PDE4C: variants seen among roughly 807,000 people sequenced by gnomAD.
PDE4C encodes phosphodiesterase 4C.
PDE4C carries 50 observed loss-of-function variants against 63.9 expected under a neutral mutation model. That is an observed-to-expected ratio of 0.78 (90% CI 0.62 to 0.99). PDE4C has a LOEUF of 0.99. Ranked by LOEUF, PDE4C falls within the 50% of genes least tolerant of loss-of-function variation. PDE4C has a pLI of 0.00. For synonymous variants in PDE4C, 377 were observed against 385.1 expected (o/e 0.98, Z 0.25); for missense variants, 777 against 899.1 (o/e 0.86, Z 1.74).
At chr19:18,217,158 G>GTT (rs11459367) in intron 11 of PDE4C, 4,072 of 261,200 alleles carry the variant, frequency 0.016, no homozygotes, top group Middle Eastern at 0.027. Context: ...ACTCAGTAAT[G>GTT]TTTTTTTTTT....
the PDE4C span, among the ~76,000 whole-genome samples, chr19:18,254,056 A>G: frequency 3.9e-5 from 6 of 152,094 alleles, no homozygotes; most frequent in African/African-American, 1.4e-4. Context: ...CCAGATCTCT[A>G]TGTAGCCCCC....
chr19:18,246,702 T>C (rs888667), intron 1 of PDE4C, among the ~76,000 whole-genome samples: 114,839 of 151,864 alleles, frequency 0.76, 44,600 homozygotes, highest in African/African-American at 0.94. Context: ...CTGAGGCAGG[T>C]GGGTCACTTA....
chr19:18,251,706 G>GCCCCCGC (rs1434244232), upstream of PDE4C, among the ~76,000 whole-genome samples: 4 of 35,460 alleles, frequency 1.1e-4, no homozygotes, highest in Non-Finnish European at 1.8e-4. Flanking sequence ...CCCGCCCTCG[G>GCCCCCGC]CCTCCCAAAG....
chr19:18,236,510 A>G (rs1403156078), upstream of PDE4C, among the ~76,000 whole-genome samples: 1 of 152,222 alleles, frequency 6.6e-6, no homozygotes, highest in Non-Finnish European at 1.5e-5. Context: ...GGCATCAGCC[A>G]CCACAACCAG....
exon 10 of PDE4C, chr19:18,218,337 G>A (rs763893350): frequency 2.3e-5 from 37 of 1,614,084 alleles, no homozygotes; most frequent in Middle Eastern, 1.6e-4. Context: ...GCAGTACCTC[G>A]AGGGCGGGCG....
upstream of PDE4C, among the ~76,000 whole-genome samples, chr19:18,238,352 C>T (rs1968987701): frequency 6.6e-6 from 1 of 151,704 alleles, no homozygotes; most frequent in Non-Finnish European, 1.5e-5. Flanking sequence ...TCTCCTGCCT[C>T]AGCCTCCTGA....
intron 11 of PDE4C, 104 bp downstream of exon 11, chr19:18,218,045 G>C: frequency 1.2e-6 from 1 of 834,014 alleles, no homozygotes; most frequent in Non-Finnish European, 2.0e-6. Context: ...CATAGACAGG[G>C]AGACTGGGCT....
At chr19:18,249,234 G>C (rs963541635), upstream of PDE4C, among the ~76,000 whole-genome samples, 6 of 152,066 alleles carry the variant, frequency 3.9e-5, no homozygotes, top group Non-Finnish European at 7.4e-5. Flanking sequence ...TTCTCAAAGT[G>C]CTGAGATTAC....
upstream of PDE4C, among the ~76,000 whole-genome samples, chr19:18,248,798 G>A (rs138563944): frequency 6.0e-4 from 89 of 149,366 alleles, no homozygotes; most frequent in Admixed American, 1.2e-3. Context: ...GCGGAGGCGG[G>A]TGGATCACGA....
chr19:18,237,483 G>T (rs547414343), upstream of PDE4C, among the ~76,000 whole-genome samples: 1 of 152,004 alleles, frequency 6.6e-6, no homozygotes, highest in Non-Finnish European at 1.5e-5. Context: ...CCTGGGAGGC[G>T]GAGGTTGCAG....
intron 1 of PDE4C, chr19:18,232,852 C>A: frequency 1.5e-6 from 2 of 1,313,998 alleles, no homozygotes; most frequent in Non-Finnish European, 2.0e-6. Flanking sequence ...GCAGCAGAGA[C>A]CCCCGCCCCC....
intron 13 of PDE4C, among the ~76,000 whole-genome samples, chr19:18,212,500 G>A (rs138380905): frequency 0.013 from 1,967 of 149,166 alleles, 47 homozygotes; most frequent in African/African-American, 0.046. Context: ...TAAGAGACAG[G>A]GTCTCACTCA....
upstream of PDE4C, among the ~76,000 whole-genome samples, chr19:18,253,140 C>CA: frequency 6.6e-6 from 1 of 152,158 alleles, no homozygotes; most frequent in Non-Finnish European, 1.5e-5. Flanking sequence ...CCAGGCAGTG[C>CA]TGGGCAGCTC....
At chr19:18,246,088 T>C (rs1406458088) in intron 1 of PDE4C, among the ~76,000 whole-genome samples, 1 of 149,652 alleles carries the variant, frequency 6.7e-6, no homozygotes, top group Non-Finnish European at 1.5e-5. Context: ...TGATCTTGGC[T>C]CACTGCAACC....
In PDE4C at chr19:18,220,943, G is replaced by T; in HGVS notation, c.450-20C>A. On this transcript the variant is annotated intron_variant, in intron 4 of 14. Transcript: ENST00000262805. This position sits in a 1 kb window ranked among gnomAD's most constrained non-coding sequence, Gnocchi z 5.1. ...CCCTGCCTGCGGTACAGCAGCCTCA[G>T]GCGTGGCTGCTCCGCCCATCTCGCC... 1 of 1,594,750 alleles carries T rather than the reference G, an allele frequency of 6.3e-7. No individual in the cohort carries two copies. The highest frequency in any genetic ancestry group is 8.5e-7 in the Non-Finnish European group (1 of 1,172,426).
intron 1 of PDE4C, among the ~76,000 whole-genome samples, chr19:18,223,990 G>T: frequency 6.6e-6 from 1 of 152,298 alleles, no homozygotes; most frequent in African/African-American, 2.4e-5. Context: ...CCAGCTAGCC[G>T]GGTCCTGCCC....
intron 2 of PDE4C, 29 bp downstream of exon 2, chr19:18,222,103 C>T (rs759838137): frequency 3.1e-5 from 49 of 1,571,752 alleles, no homozygotes; most frequent in South Asian, 3.1e-4. Flanking sequence ...AGGGTAGAGG[C>T]GGTGTCATCC....
chr19:18,223,099 G>A (rs1235257409), intron 1 of PDE4C, among the ~76,000 whole-genome samples: 1 of 151,968 alleles, frequency 6.6e-6, no homozygotes, highest in Non-Finnish European at 1.5e-5. Context: ...GAGTGCAGTG[G>A]GGGAACGATC....
At chr19:18,229,056 C>T (rs1245041806), upstream of PDE4C, among the ~76,000 whole-genome samples, 4 of 151,980 alleles carry the variant, frequency 2.6e-5, no homozygotes, top group Non-Finnish European at 5.9e-5. Flanking sequence ...CTGCCTCAGC[C>T]TCCCAAGTAG....
Sources: gnomAD v4.1 joint callset for allele counts (sites outside exome capture counted in the v4.1 genomes callset) on GRCh38, gnomAD v4.1.1 for gene constraint, Gnocchi (gnomAD v3.1) non-coding constraint, MANE v1.5 for transcripts, NCBI Gene and HGNC (gene_info 2026-07-23, HGNC 2026-07-21) for gene names.